ACOXL: variants seen among roughly 807,000 people sequenced by gnomAD.
The protein encoded by ACOXL is acyl-CoA oxidase like.
ACOXL carries 70 observed loss-of-function variants against 71.9 expected under a neutral mutation model. The ratio of observed to expected loss-of-function variants is 0.97; its 90% CI spans 0.80 to 1.19. The LOEUF (loss-of-function observed/expected upper bound fraction) is 1.19. Among genes scored for constraint, ACOXL ranks in the 50% most tolerant of loss-of-function variants. The probability of loss-of-function intolerance (pLI) is 0.00; values close to 1 mark genes in which losing one functional copy is unlikely to be tolerated. For synonymous variants in ACOXL, 253 were observed against 281.6 expected (o/e 0.90, Z 1.02); for missense variants, 703 against 736.3 (o/e 0.95, Z 0.52).
At chr2:110,967,930 C>T (rs553194446) in intron 12 of ACOXL, 85 of 968,862 alleles carry the variant, frequency 8.8e-5, no homozygotes, top group African/African-American at 7.5e-4. Context: ...TTACTATGCT[C>T]GGAAATACTT....
intron 11 of ACOXL, among the ~76,000 whole-genome samples, chr2:110,910,964 C>T (rs560689166): frequency 2.5e-4 from 38 of 152,112 alleles, no homozygotes; most frequent in African/African-American, 9.2e-4. Flanking sequence ...TTATCCTTTT[C>T]TTGTTTTATG....
intron 10 of ACOXL, among the ~76,000 whole-genome samples, chr2:110,893,016 A>G (rs1177780929): frequency 6.6e-6 from 1 of 152,238 alleles, no homozygotes; most frequent in African/African-American, 2.4e-5. Context: ...CATCTTTAAA[A>G]GTTAAAACAA....
intron 17 of ACOXL, among the ~76,000 whole-genome samples, chr2:111,108,530 C>CA (rs2069716377): frequency 1.3e-5 from 2 of 152,000 alleles, no homozygotes; most frequent in African/African-American, 2.4e-5. Flanking sequence ...AGGCATGTGC[C>CA]ACCACGCCTG....
chr2:110,895,079 C>G (rs1324844111), intron 10 of ACOXL, among the ~76,000 whole-genome samples: 6 of 151,884 alleles, frequency 4.0e-5, no homozygotes, highest in Non-Finnish European at 7.4e-5. Flanking sequence ...GTGCTAACAC[C>G]AAAATAACAG....
chr2:111,082,262 A>T (rs1222087487), intron 16 of ACOXL, among the ~76,000 whole-genome samples: 2 of 152,120 alleles, frequency 1.3e-5, no homozygotes, highest in Non-Finnish European at 2.9e-5. Flanking sequence ...AATTTTTGCA[A>T]CCTATCCGTC....
At chr2:110,816,526 A>ATC (rs1687941768) in intron 9 of ACOXL, among the ~76,000 whole-genome samples, 1 of 152,194 alleles carries the variant, frequency 6.6e-6, no homozygotes, top group South Asian at 2.1e-4. Context: ...GCAGGTGTGT[A>ATC]TCTGGGCAAT....
At chr2:110,888,179 C>A (rs1697533572) in intron 10 of ACOXL, among the ~76,000 whole-genome samples, 1 of 152,172 alleles carries the variant, frequency 6.6e-6, no homozygotes, top group Admixed American at 6.5e-5. Flanking sequence ...CCCTATCACC[C>A]TGGGCACTGC....
intron 16 of ACOXL, among the ~76,000 whole-genome samples, chr2:111,069,463 A>G (rs2067236417): frequency 6.6e-6 from 1 of 152,104 alleles, no homozygotes; most frequent in Non-Finnish European, 1.5e-5. Context: ...CCCTCTTCTT[A>G]TAAGGACATC....
At chr2:110,874,861 A>G (rs1204142906) in intron 10 of ACOXL, among the ~76,000 whole-genome samples, 3 of 152,162 alleles carry the variant, frequency 2.0e-5, no homozygotes, top group African/African-American at 7.2e-5. Context: ...GGTGGGAGGC[A>G]GGAATCTGCC....
chr2:110,866,830 G>A (rs911611941), intron 10 of ACOXL, among the ~76,000 whole-genome samples: 2 of 152,172 alleles, frequency 1.3e-5, no homozygotes, highest in Non-Finnish European at 2.9e-5. Context: ...GATGCCCCAA[G>A]CACAGCCTGG....
At chr2:110,836,783 G>C (rs1690518815) in intron 9 of ACOXL, among the ~76,000 whole-genome samples, 1 of 152,270 alleles carries the variant, frequency 6.6e-6, no homozygotes. Context: ...GTATGGGAAA[G>C]GGAGGGAAGC....
At chr2:111,040,464 C>T (rs2065729216) in intron 15 of ACOXL, among the ~76,000 whole-genome samples, 1 of 152,178 alleles carries the variant, frequency 6.6e-6, no homozygotes, top group Admixed American at 6.5e-5. Flanking sequence ...ACCCTTCTCG[C>T]CCCATATTTG....
chr2:110,817,077 CAG>C (rs1375546763), intron 9 of ACOXL, among the ~76,000 whole-genome samples: 2 of 152,248 alleles, frequency 1.3e-5, no homozygotes, highest in African/African-American at 2.4e-5. Flanking sequence ...GCGAGGCACA[CAG>C]GGGGCCCTCA....
intron 14 of ACOXL, among the ~76,000 whole-genome samples, chr2:111,009,280 A>G (rs987384773): frequency 1.3e-5 from 2 of 152,008 alleles, no homozygotes; most frequent in South Asian, 4.1e-4. Context: ...TTGGGAGGCC[A>G]AGGTAGGCAG....
intron 11 of ACOXL, 67 bp from the exon 12 acceptor site, chr2:110,933,422 A>G: frequency 6.5e-7 from 1 of 1,542,902 alleles, no homozygotes; most frequent in Non-Finnish European, 8.8e-7. Flanking sequence ...CTTCACAGAT[A>G]ATGCTCCTTC....
intron 10 of ACOXL, among the ~76,000 whole-genome samples, chr2:110,878,913 C>A (rs13397744): frequency 0.3 from 45,193 of 151,180 alleles, 7,137 homozygotes; most frequent in Non-Finnish European, 0.35. Flanking sequence ...CAAAAATTAG[C>A]CAGGCATGGT....
intron 16 of ACOXL, among the ~76,000 whole-genome samples, chr2:111,056,204 A>AC (rs1318057360): frequency 2.0e-5 from 3 of 151,582 alleles, no homozygotes; most frequent in African/African-American, 7.3e-5. Flanking sequence ...CAACTTTAAA[A>AC]AAAAAAAAAA....
rs375408046 is a variant in ACOXL at position 111,040,069 on chromosome 2, T to C, written c.1369+8355T>C. Among the ~76,000 whole-genome samples the C allele has an allele frequency of 3.3e-3, 505 of 152,322 alleles. 2 individuals are homozygous for C. Among genetic ancestry groups the C allele is most frequent in the African/African-American group, 0.011 (471 of 41,578 alleles). On this transcript the variant is annotated intron_variant, in intron 15 of 17. Transcript: ENST00000439055. Reference sequence around the variant, plus strand: ...GCAAACCCATTCCAGGCCATGGGCATGCAGTTGAGTTTTTCTAGCAATTGT... The same window carrying C: ...GCAAACCCATTCCAGGCCATGGGCACGCAGTTGAGTTTTTCTAGCAATTGT...
At chr2:111,088,399 C>T (rs2068334723) in intron 16 of ACOXL, among the ~76,000 whole-genome samples, 1 of 152,158 alleles carries the variant, frequency 6.6e-6, no homozygotes, top group Non-Finnish European at 1.5e-5. Flanking sequence ...AACCTAAATG[C>T]CCATTAATGG....
Sources: gnomAD v4.1 joint callset for allele counts (sites outside exome capture counted in the v4.1 genomes callset) on GRCh38, gnomAD v4.1.1 for gene constraint, MANE v1.5 for transcripts, NCBI Gene and HGNC (gene_info 2026-07-23, HGNC 2026-07-21) for gene names.